Variants in TMEM202 observed in about 807,000 individuals in gnomAD.
TMEM202 encodes transmembrane protein 202.
A neutral mutation model predicts 26.1 loss-of-function variants in TMEM202; 25 were observed. The ratio of observed to expected loss-of-function variants is 0.96; its 90% CI spans 0.70 to 1.34. The LOEUF (loss-of-function observed/expected upper bound fraction) is 1.34, where lower values mean the gene tolerates loss of function less well. Among genes scored for constraint, TMEM202 ranks in the 40% most tolerant of loss-of-function variants. The probability of loss-of-function intolerance (pLI) is 0.00; values close to 1 mark genes in which losing one functional copy is unlikely to be tolerated. For missense variants in TMEM202, 301 were observed against 327.7 expected, an observed-to-expected ratio of 0.92 and a Z score of 0.63; for synonymous variants, 122 against 119.0, an observed-to-expected ratio of 1.02 and a Z score of -0.16.
Position 72,406,698 on chromosome 15 carries a change from G to A in TMEM202, c.434G>A (p.Gly145Glu), listed in dbSNP as rs2063573379. 1 of 1,614,100 alleles carries A rather than the reference G, an allele frequency of 6.2e-7. No homozygotes were observed. Among genetic ancestry groups the A allele is most frequent in the Non-Finnish European group, 8.5e-7 (1 of 1,180,006 alleles). Residue 145 changes from glycine to glutamate, a missense_variant, in exon 3 of 5, where the codon GGA (glycine) becomes GAA (glutamate). Physicochemically the swap from Gly to Glu is moderately conservative, Grantham distance 98. Transcript: ENST00000341689. ...WLFSSWILNR[G>E]SMTTNLDLKV... ...TTCAGCTCTTGGATCCTTAATCGAGGAAGCATGACCACCAACTTGGATCTG... is the reference window on the plus strand; with the variant it reads ...TTCAGCTCTTGGATCCTTAATCGAGAAAGCATGACCACCAACTTGGATCTG...
chr15:72,406,465 C>T (rs2063571888), intron 2 of TMEM202, 137 bp from the exon 3 acceptor site: 4 of 627,028 alleles, frequency 6.4e-6, no homozygotes, highest in Non-Finnish European at 1.1e-5. Context: ...AAATTCCAAG[C>T]AAAAAGGATG....
At chr15:72,406,785 G>T in intron 3 of TMEM202, 34 bp downstream of exon 3, 1 of 1,602,580 alleles carries the variant, frequency 6.2e-7, no homozygotes, top group South Asian at 1.1e-5. Context: ...ATTTTACCAT[G>T]GTAAAATAGT....
intron 2 of TMEM202, among the ~76,000 whole-genome samples, chr15:72,399,820 G>A (rs1166635652): frequency 2.0e-5 from 3 of 152,208 alleles, no homozygotes; most frequent in African/African-American, 7.2e-5. Context: ...TACACTGACA[G>A]TTTTCCCATA....
rs2063581852 is a variant in TMEM202 at position 72,407,981 on chromosome 15, A to G, written c.*88A>G. 2 of 1,059,558 alleles carry G rather than the reference A, an allele frequency of 1.9e-6. No homozygotes were observed. The highest frequency in any genetic ancestry group is 4.2e-5 in the Admixed American group (2 of 47,220). The allele number at this position is 1,059,558 out of a possible 1,614,324, so 65.6% of individuals were successfully genotyped here. A position where few individuals can be genotyped will look rare whatever the true frequency, so the allele number is the denominator to read the frequency against. ...ATAAATTCTGGGAAACTCTCCTAAT[A>G]TCATGTCCATATTACTTGAGGAGAC... On this transcript the variant is annotated 3_prime_UTR_variant, in exon 5 of 5. Coordinates refer to ENST00000341689, the MANE Select transcript of TMEM202 (RefSeq NM_001080462.3).
intron 4 of TMEM202, 139 bp downstream of exon 4, chr15:72,407,356 T>C: frequency 1.9e-6 from 2 of 1,069,812 alleles, no homozygotes; most frequent in Non-Finnish European, 2.7e-6. Flanking sequence ...GGGGGCATAA[T>C]GAAGAAAGGG....
chr15:72,406,171 A>G (rs1490769948), intron 2 of TMEM202, among the ~76,000 whole-genome samples: 6 of 152,212 alleles, frequency 3.9e-5, no homozygotes, highest in East Asian at 1.9e-4. Flanking sequence ...ATCTAGTATC[A>G]TATCTACTAT....
rs140289388 is a variant in TMEM202, at chr15:72,399,834, C to T, written c.337+926C>T. On this transcript the variant is annotated intron_variant, in intron 2 of 4. Transcript: ENST00000341689. The stretch of plus-strand genomic sequence containing the variant: ...TTACACTGACAGTTTTCCCATAACC[C>T]GCAAGATATACATTTACACAAAGAA... Among the ~76,000 whole-genome samples the T allele has an allele frequency of 3.6e-3, 546 of 152,196 alleles. 4 individuals carry two copies. Among genetic ancestry groups the T allele is most frequent in the Non-Finnish European group, 5.2e-3 (351 of 68,000 alleles).
intron 2 of TMEM202, 124 bp from the exon 3 acceptor site, chr15:72,406,478 A>G (rs1382714207): frequency 1.4e-6 from 1 of 701,946 alleles, no homozygotes; most frequent in Non-Finnish European, 2.4e-6. Context: ...AAAGGATGTC[A>G]TGTAGCAAGC....
At chr15:72,402,463 G>A (rs1459687488) in intron 2 of TMEM202, among the ~76,000 whole-genome samples, 1 of 152,206 alleles carries the variant, frequency 6.6e-6, no homozygotes, top group Non-Finnish European at 1.5e-5. Flanking sequence ...ACTTCAGGGT[G>A]TTGTGCTTCT....
At chr15:72,402,284 T>G (rs1441322237) in intron 2 of TMEM202, among the ~76,000 whole-genome samples, 1 of 152,240 alleles carries the variant, frequency 6.6e-6, no homozygotes, top group Non-Finnish European at 1.5e-5. Context: ...CATTATTGTC[T>G]AATAATTACT....
At chr15:72,398,476 G>C in intron 1 of TMEM202, 69 bp downstream of exon 1, 1 of 1,445,154 alleles carries the variant, frequency 6.9e-7, no homozygotes, top group South Asian at 1.3e-5. Flanking sequence ...GCTACACAGA[G>C]CATCCTAAAG....
Position 72,407,819 on chromosome 15 carries a change from G to T in TMEM202, c.748G>T (p.Glu250Ter). The T allele has an allele frequency of 1.2e-6, 2 of 1,614,122 alleles. No individual in the cohort carries two copies. The highest frequency in any genetic ancestry group is 1.7e-6 in the Non-Finnish European group (2 of 1,180,028). ...PVTTVSPAKD[E>*]GPRSEMESLS... ...GACTACAGTATCACCTGCTAAAGAT[G>T]AAGGGCCAAGGTCTGAGATGGAATC... Residue 250 changes from glutamate (E) to a stop codon, truncating the protein, a stop_gained, in exon 5 of 5, where the codon GAA becomes TAA. Coordinates refer to ENST00000341689, the MANE Select transcript of TMEM202 (RefSeq NM_001080462.3). LOFTEE classifies it low-confidence loss of function (END_TRUNC).
chr15:72,406,477 C>T (rs1400037661), intron 2 of TMEM202, 125 bp from the exon 3 acceptor site: 1 of 691,494 alleles, frequency 1.4e-6, no homozygotes, highest in East Asian at 2.6e-5. Flanking sequence ...AAAAGGATGT[C>T]ATGTAGCAAG....
At chr15:72,405,600 G>C (rs1276986397) in intron 2 of TMEM202, among the ~76,000 whole-genome samples, 1 of 152,098 alleles carries the variant, frequency 6.6e-6, no homozygotes, top group African/African-American at 2.4e-5. Flanking sequence ...GACTTTGGGG[G>C]ACTCTCAGAA....
chr15:72,407,006 G>A, intron 3 of TMEM202, 80 bp from the exon 4 acceptor site: 1 of 1,550,146 alleles, frequency 6.5e-7, no homozygotes, highest in Non-Finnish European at 8.8e-7. Context: ...TATGGCCTCT[G>A]GAGGCCAAAG....
chr15:72,399,451 T>C (rs1392776040), intron 2 of TMEM202, among the ~76,000 whole-genome samples: 4 of 152,186 alleles, frequency 2.6e-5, no homozygotes, highest in Non-Finnish European at 5.9e-5. Flanking sequence ...TAGGAATAAC[T>C]CATTTACAAG....
chr15:72,399,069 T>C (rs2063535815), intron 2 of TMEM202, among the ~76,000 whole-genome samples, 161 bp downstream of exon 2: 1 of 152,232 alleles, frequency 6.6e-6, no homozygotes, highest in Non-Finnish European at 1.5e-5. Context: ...GCCCTTTCTC[T>C]CTCCTATTCC....
In TMEM202 at chr15:72,399,178, G is replaced by A. The variant is rs575930328; in HGVS notation, c.337+270G>A. Among the ~76,000 whole-genome samples the A allele has an allele frequency of 2.2e-4, 34 of 152,244 alleles. No individual in the cohort carries two copies. The South Asian group carries it at 7.1e-3, about 32-fold the overall frequency. On this transcript the variant is annotated intron_variant, in intron 2 of 4. Transcript: ENST00000341689. ...TTTCGAGACAGGCTCTTGCTCTAAC[G>A]CCTAGCCGAAGTGCAAAAGCACTAT... is the stretch of plus-strand genomic sequence containing the variant.
In TMEM202 at chr15:72,406,979, T is replaced by C. The variant is rs2063574957; in HGVS notation, c.488-107T>C. The C allele has an allele frequency of 2.7e-6, 4 of 1,463,940 alleles. No homozygotes were observed. In the African/African-American group the frequency reaches 5.7e-5, roughly 21 times the overall value. 90.7% of individuals were successfully genotyped at this position (1,463,940 alleles called of 1,614,324 possible). On this transcript the variant is annotated intron_variant, in intron 3 of 4. Transcript: ENST00000341689. ...GGTCAGTCCCCAGGTTTTTATCTTT[T>C]TGATCCTCGCTATACATATGGCCTC... is the stretch of plus-strand genomic sequence containing the variant.
Sources: gnomAD v4.1 joint callset for allele counts (sites outside exome capture counted in the v4.1 genomes callset) on GRCh38, gnomAD v4.1.1 for gene constraint, MANE v1.5 for transcripts, NCBI Gene and HGNC (gene_info 2026-07-23, HGNC 2026-07-21) for gene names.